The following STARD9 variants were observed in gnomAD, a reference collection of about 807,000 sequenced individuals.
STARD9 encodes stAR-related lipid transfer protein 9.
A neutral mutation model predicts 399.8 loss-of-function variants in STARD9; 346 were observed. That is an observed-to-expected ratio of 0.87 (90% CI 0.79 to 0.95). STARD9 has a LOEUF of 0.95. Ranked by LOEUF, STARD9 falls within the 40% of genes least tolerant of loss-of-function variation. STARD9 has a pLI of 0.00. For missense variants in STARD9, 5,832 were observed against 5,667.5 expected (o/e 1.03, Z -0.93); for synonymous variants, 2,203 against 2,143.5 (o/e 1.03, Z -0.77).
chr15:42,585,681 A>G (rs376813568), intron 3 of STARD9, 44 bp downstream of exon 3: 2 of 1,192,846 alleles, frequency 1.7e-6, no homozygotes, highest in South Asian at 2.6e-5. Context: ...TTCTTTTTTT[A>G]TGTATAATAT....
At position 42,719,525 on chromosome 15, in the gene STARD9, A is replaced by G. The variant is rs1324258682; in HGVS notation, c.14054A>G (p.Lys4685Arg). Residue 4685 changes from lysine to arginine, a missense_variant, in exon 33 of 33, where the codon AAA becomes AGA. Lys to Arg is a conservative substitution (Grantham distance 26). This residue lies in a region of STARD9 where 5,828 missense variants were observed against 5,651.1 expected (regional missense o/e 1.03). Transcript: ENST00000290607. ...FPPQLLSSFIKRQPLVIARLA... is the reference protein window; with the variant it reads ...FPPQLLSSFIRRQPLVIARLA... ...CCTCAGCTCCTGAGCTCTTTCATCA[A>G]ACGGCAGCCACTGGTTATAGCCAGA... 2 of 1,537,212 alleles carry G rather than the reference A, an allele frequency of 1.3e-6. No individual in the cohort carries two copies. The highest frequency in any genetic ancestry group is 2.4e-5 in the South Asian group (2 of 84,056).
chr15:42,601,586 ACCTCCCGGACGGGGCGGCTGGCCG>A (rs1566865354), intron 3 of STARD9, among the ~76,000 whole-genome samples: 2 of 148,434 alleles, frequency 1.3e-5, no homozygotes, highest in Admixed American at 6.7e-5. Context: ...CTGCCCCCCC[ACCTCCCGGACGGGGCGGCTGGCCG>A]GGTGGGGGCT....
Position 42,689,931 on chromosome 15 carries a change from G to A in STARD9, c.8353G>A (p.Glu2785Lys), listed in dbSNP as rs1352831743. 6.5e-7 allele frequency: 1 copy of A among 1,537,688 alleles called. No homozygotes were observed. The highest frequency in any genetic ancestry group is 8.7e-7 in the Non-Finnish European group (1 of 1,147,018). The change falls in exon 23 of 33, where the codon GAA (glutamate) becomes AAA (lysine). Residue 2785 changes from glutamate to lysine, a missense_variant. Physicochemically the swap from Glu to Lys is moderately conservative, Grantham distance 56. Transcript: ENST00000290607. The part of the protein sequence containing the change: ...GSQDSSPEHQ[E>K]PRTLDTTYGE... Reference sequence around the variant, plus strand: ...TCAGGACAGCAGCCCAGAGCATCAGGAACCCAGAACTCTAGACACCACATA... The same window carrying A: ...TCAGGACAGCAGCCCAGAGCATCAGAAACCCAGAACTCTAGACACCACATA...
intron 3 of STARD9, chr15:42,629,908 T>G (rs551932034): frequency 6.6e-6 from 1 of 152,270 alleles, no homozygotes; most frequent in East Asian, 1.9e-4. Flanking sequence ...TCTGTTGACA[T>G]GATGTATCAC....
rs1184800638 is a variant in STARD9 at position 42,684,118 on chromosome 15, T to G, written c.2540T>G (p.Ile847Ser). ...CSKHMPQLHS[I>S]FLSWDPSTTL... ...GATAGCTTTCCTTGTCTTCACAGCA[T>G]TTTCCTAAGTTGGGATCCCTCTACC... is the stretch of plus-strand genomic sequence containing the variant. Residue 847 changes from isoleucine (I) to serine (S), a missense_variant and splice_region_variant, in exon 23 of 33, where the codon ATT becomes AGT. By Grantham distance (142) the Ile-to-Ser change is moderately radical. This residue lies in a region of STARD9 where 5,828 missense variants were observed against 5,651.1 expected (regional missense o/e 1.03). Coordinates refer to ENST00000290607, the MANE Select transcript of STARD9 (RefSeq NM_020759.3). 1 of 1,523,082 alleles carries G rather than the reference T, an allele frequency of 6.6e-7. No individual in the cohort carries two copies. The highest frequency in any genetic ancestry group is 8.8e-7 in the Non-Finnish European group (1 of 1,136,546). The allele number at this position is 1,523,082 out of a possible 1,614,324, so 94.3% of individuals were successfully genotyped here.
chr15:42,585,065 T>C (rs1190388027), intron 2 of STARD9, among the ~76,000 whole-genome samples: 3 of 152,192 alleles, frequency 2.0e-5, no homozygotes, highest in East Asian at 1.9e-4. Context: ...TTATAAAGTG[T>C]ATATGAAACA....
intron 13 of STARD9, among the ~76,000 whole-genome samples, chr15:42,664,884 A>G (rs1359768627): frequency 6.6e-6 from 1 of 152,064 alleles, no homozygotes; most frequent in Non-Finnish European, 1.5e-5. Context: ...CTTAGTCACA[A>G]TACAGGAAGG....
chr15:42,622,664 A>G (rs1302218619), intron 3 of STARD9, among the ~76,000 whole-genome samples: 3 of 152,028 alleles, frequency 2.0e-5, no homozygotes, highest in African/African-American at 7.2e-5. Flanking sequence ...GAGGTGGGAG[A>G]TCTTTAGTTG....
intron 26 of STARD9, among the ~76,000 whole-genome samples, chr15:42,713,854 T>C (rs574967531): frequency 6.6e-6 from 1 of 152,288 alleles, no homozygotes; most frequent in African/African-American, 2.4e-5. Context: ...TTACTTGTGA[T>C]GTCTTTGCCC....
intron 24 of STARD9, among the ~76,000 whole-genome samples, 156 bp downstream of exon 24, chr15:42,694,881 G>T (rs1290476361): frequency 6.6e-6 from 1 of 151,758 alleles, no homozygotes; most frequent in Non-Finnish European, 1.5e-5. Flanking sequence ...GGGAGGGGGT[G>T]GGCAGAGAGA....
intron 2 of STARD9, among the ~76,000 whole-genome samples, chr15:42,584,964 C>T (rs991370482): frequency 4.6e-5 from 7 of 152,164 alleles, no homozygotes; most frequent in Non-Finnish European, 5.9e-5. Context: ...TGGAAAGTTT[C>T]ACAGCTGGCT....
intron 26 of STARD9, among the ~76,000 whole-genome samples, chr15:42,707,560 C>T (rs2061116468): frequency 6.6e-6 from 1 of 151,008 alleles, no homozygotes; most frequent in South Asian, 2.1e-4. Flanking sequence ...GCCTCCGACT[C>T]CTGGGCTCAA....
At chr15:42,665,181 A>G (rs1030413470) in intron 13 of STARD9, 72 bp from the exon 14 acceptor site, 26 of 1,256,806 alleles carry the variant, frequency 2.1e-5, no homozygotes, top group Middle Eastern at 1.8e-4. Context: ...TTCCCAGCCA[A>G]TTGCAACTAG....
chr15:42,674,524 G>C, intron 17 of STARD9, 33 bp downstream of exon 17: 1 of 1,528,472 alleles, frequency 6.5e-7, no homozygotes, highest in East Asian at 2.4e-5. Context: ...CCAGCATTTT[G>C]GGGCTAGTAT....
intron 26 of STARD9, among the ~76,000 whole-genome samples, chr15:42,709,626 ATTGAGCTGAG>A (rs1391167154): frequency 2.0e-5 from 3 of 152,182 alleles, no homozygotes; most frequent in African/African-American, 7.2e-5. Context: ...CGGGGTTTGC[ATTGAGCTGAG>A]ATGGCGCCAC....
Position 42,616,629 on chromosome 15 carries a change from T to C in STARD9, c.235-18227T>C, listed in dbSNP as rs548489286. On this transcript the variant is annotated intron_variant, in intron 3 of 32. Coordinates refer to ENST00000290607, the MANE Select transcript of STARD9 (RefSeq NM_020759.3). ...GAGAATGGCCGGGTGCAGTGGCCCA[T>C]ACCTGTAATCCCAGCACTTTGGGGG... Among the ~76,000 whole-genome samples the C allele has an allele frequency of 2.0e-5, 3 of 152,218 alleles. No individual in the cohort carries two copies. The South Asian group carries it at 6.2e-4, about 32-fold the overall frequency.
rs930196447 is a variant in STARD9, at chr15:42,693,176, C to T, written c.11598C>T (p.Ser3866=). ...VSSPSPSSPH[S]PGLFPSTSEY... ...GTCCCAGTCCCAGCTCCCCTCATTC[C>T]CCAGGGCTCTTTCCCAGTACTTCCG... is the stretch of plus-strand genomic sequence containing the variant. The change falls in exon 23 of 33, where the codon TCC becomes TCT. Residue 3866 remains serine (S), a synonymous_variant. Transcript: ENST00000290607. 137 of 1,537,022 alleles carry T rather than the reference C, an allele frequency of 8.9e-5. No homozygotes were observed. Among genetic ancestry groups the T allele is most frequent in the Middle Eastern group, 1.7e-4 (1 of 6,012 alleles).
At chr15:42,696,702 C>T (rs900993790) in intron 26 of STARD9, among the ~76,000 whole-genome samples, 2 of 152,068 alleles carry the variant, frequency 1.3e-5, no homozygotes, top group East Asian at 3.8e-4. Flanking sequence ...CTAGTGAAGA[C>T]GAACAGAGGA....
At chr15:42,594,724 C>A (rs565476514) in intron 3 of STARD9, among the ~76,000 whole-genome samples, 1 of 152,190 alleles carries the variant, frequency 6.6e-6, no homozygotes, top group Admixed American at 6.5e-5. Flanking sequence ...ATGGTAGGGG[C>A]CATGGACTGC....
Sources: allele counts gnomAD v4.1 joint callset (sites outside exome capture counted in the v4.1 genomes callset), GRCh38; gene constraint gnomAD v4.1.1; regional missense constraint gnomAD v4.1.1; transcripts MANE v1.5; gene names NCBI Gene and HGNC (gene_info 2026-07-23, HGNC 2026-07-21).